The following PCDHGA7 variants were observed in gnomAD, a reference collection of about 807,000 sequenced individuals.
The protein encoded by PCDHGA7 is protocadherin gamma-A7.
In PCDHGA7, 44 loss-of-function variants were observed where a neutral mutation model predicts 58.3. That is an observed-to-expected ratio of 0.75 (90% CI 0.59 to 0.97). The LOEUF (loss-of-function observed/expected upper bound fraction) is 0.97. Among genes scored for constraint, PCDHGA7 ranks in the 50% least tolerant of loss-of-function variants. The pLI is 0.00. For missense variants in PCDHGA7, 1,266 were observed against 1,188.7 expected, an observed-to-expected ratio of 1.06 and a Z score of -0.96; for synonymous variants, 516 against 504.2, an observed-to-expected ratio of 1.02 and a Z score of -0.31.
chr5:141,456,814 ATTAGCCATCGTGG>A (rs2098889077), intron 1 of PCDHGA7, among the ~76,000 whole-genome samples: 1 of 151,928 alleles, frequency 6.6e-6, no homozygotes, highest in Non-Finnish European at 1.5e-5. Context: ...AATACAAAAA[ATTAGCCATCGTGG>A]TAGTGGGCGC....
chr5:141,424,538 A>G (rs547426760), intron 1 of PCDHGA7: 37 of 152,340 alleles, frequency 2.4e-4, no homozygotes, highest in African/African-American at 8.9e-4. Context: ...TATAGAAATA[A>G]CTTGATTTTG....
At chr5:141,448,542 T>G (rs2098594694) in intron 1 of PCDHGA7, among the ~76,000 whole-genome samples, 1 of 152,210 alleles carries the variant, frequency 6.6e-6, no homozygotes, top group Non-Finnish European at 1.5e-5. Flanking sequence ...GCATTTCTTA[T>G]GCAAATATGT....
rs1285420674 is a variant in PCDHGA7 at position 141,409,726 on chromosome 5, C to G, written c.2424+24403C>G. The G allele has an allele frequency of 1.9e-6, 3 of 1,612,982 alleles. No homozygotes were observed. The Admixed American group carries it at 5.0e-5, about 27-fold the overall frequency. On this transcript the variant is annotated intron_variant, in intron 1 of 3. Transcript: ENST00000518325. ...CGGTGTCGTCATACGTGTCAGTGAG[C>G]GCGCAGAGCGGGGTGGTGTTCGCGC...
At chr5:141,436,632 G>T (rs763510513) in intron 1 of PCDHGA7, among the ~76,000 whole-genome samples, 2 of 152,130 alleles carry the variant, frequency 1.3e-5, no homozygotes, top group Non-Finnish European at 2.9e-5. Context: ...TTCACAACAT[G>T]CAATTAATTA....
Position 141,490,983 on chromosome 5 carries a change from C to T in PCDHGA7, c.2425-3824C>T. ...ACTCAGCCCCCCAGCGTCTCCCTCG[C>T]TCTGCTCCTCCTGGCTCCTTGGTCA... On this transcript the variant is annotated intron_variant, in intron 1 of 3. Transcript: ENST00000518325. The surrounding 1 kb of genome is among the most constrained non-coding windows in gnomAD (Gnocchi z 5.4). 2 of 1,614,120 alleles carry T rather than the reference C, an allele frequency of 1.2e-6. No individual in the cohort carries two copies. Among genetic ancestry groups the T allele is most frequent in the South Asian group, 2.2e-5 (2 of 91,082 alleles).
intron 1 of PCDHGA7, chr5:141,423,051 C>T (rs200022455): frequency 1.7e-5 from 28 of 1,614,084 alleles, no homozygotes; most frequent in Non-Finnish European, 2.3e-5. Context: ...TGTCCTATCG[C>T]CTGCTTAAGG....
rs577770679 is a variant in PCDHGA7, at chr5:141,458,782, G to A, written c.2425-36025G>A. Reference sequence around the variant, plus strand: ...GGGTCTTGCTGTGTCACACAGGCTGGAGTGCAGTGGTGTGATCTCAGCTCA... The same window carrying A: ...GGGTCTTGCTGTGTCACACAGGCTGAAGTGCAGTGGTGTGATCTCAGCTCA... On this transcript the variant is annotated intron_variant, in intron 1 of 3. Coordinates refer to ENST00000518325, the MANE Select transcript of PCDHGA7 (RefSeq NM_018920.4). 3.3e-5 allele frequency among the ~76,000 whole-genome samples: 5 copies of A among 152,020 alleles called. No homozygotes were observed. In the East Asian group the frequency reaches 9.7e-4, roughly 30 times the overall value.
chr5:141,401,010 G>A (rs62378449), intron 1 of PCDHGA7, among the ~76,000 whole-genome samples: 17,448 of 152,052 alleles, frequency 0.11, 1,158 homozygotes, highest in African/African-American at 0.18. Context: ...CCTACCTAAT[G>A]GATTTATGAT....
In PCDHGA7 at chr5:141,476,504, G is replaced by A; in HGVS notation, c.2425-18303G>A. On this transcript the variant is annotated intron_variant, in intron 1 of 3. Coordinates refer to ENST00000518325, the MANE Select transcript of PCDHGA7 (RefSeq NM_018920.4). This position sits in a 1 kb window ranked among gnomAD's most constrained non-coding sequence, Gnocchi z 7.6. ...GGAAGTGGTGATCCAGGACATCAAC[G>A]ACAACAATCCTGCTTTCCCTACCCA... The A allele has an allele frequency of 6.2e-7, 1 of 1,614,098 alleles. No individual in the cohort carries two copies. The highest frequency in any genetic ancestry group is 2.2e-5 in the East Asian group (1 of 44,854).
intron 1 of PCDHGA7, among the ~76,000 whole-genome samples, chr5:141,483,302 C>G (rs1262756268): frequency 2.0e-5 from 3 of 152,012 alleles, no homozygotes; most frequent in Admixed American, 6.5e-5. Context: ...AGTGAAGGGA[C>G]TGGGGACATT....
chr5:141,415,502 A>T, intron 1 of PCDHGA7: 1 of 1,614,204 alleles, frequency 6.2e-7, no homozygotes, highest in African/African-American at 1.3e-5. Flanking sequence ...ATCTTCCCCC[A>T]GCCCAATTAT....
intron 1 of PCDHGA7, among the ~76,000 whole-genome samples, chr5:141,464,240 G>A (rs1396190870): frequency 1.3e-5 from 2 of 150,444 alleles, no homozygotes; most frequent in Non-Finnish European, 2.9e-5. Context: ...ACTCCAGCCT[G>A]GGCTACAGAG....
intron 2 of PCDHGA7, among the ~76,000 whole-genome samples, chr5:141,497,879 G>T (rs62379207): frequency 2.0e-5 from 3 of 152,128 alleles, no homozygotes; most frequent in Admixed American, 6.5e-5. Flanking sequence ...TGAAATAAGC[G>T]TTAGGATCTA....
chr5:141,413,737 A>AC, intron 1 of PCDHGA7: 1 of 1,613,410 alleles, frequency 6.2e-7, no homozygotes, highest in Non-Finnish European at 8.5e-7. Flanking sequence ...AAGAGTTCAG[A>AC]GCCGTGCCAA....
At chr5:141,390,066 G>A (rs2092035559) in intron 1 of PCDHGA7, 2 of 1,614,052 alleles carry the variant, frequency 1.2e-6, no homozygotes, top group East Asian at 2.2e-5. Flanking sequence ...CTTCCAGCCT[G>A]GTCTCTGTGT....
chr5:141,392,671 C>A, intron 1 of PCDHGA7: 1 of 875,408 alleles, frequency 1.1e-6, no homozygotes, highest in Non-Finnish European at 1.7e-6. Context: ...AAACTAACTG[C>A]TGGACTGCAG....
Position 141,505,383 on chromosome 5 carries a change from C to T in PCDHGA7, c.2484-10C>T, listed in dbSNP as rs369765886. On this transcript the variant is annotated splice_polypyrimidine_tract_variant and intron_variant, in intron 2 of 3. Coordinates refer to ENST00000518325, the MANE Select transcript of PCDHGA7 (RefSeq NM_018920.4). Reference sequence around the variant, plus strand: ...GGGAGTCTGTGCTCACCATCCTACTCTCTCCCCAGCTCCCAAAATGGCGAT... The same window carrying T: ...GGGAGTCTGTGCTCACCATCCTACTTTCTCCCCAGCTCCCAAAATGGCGAT... The T allele has an allele frequency of 1.2e-6, 2 of 1,613,944 alleles. No individual in the cohort carries two copies. Among genetic ancestry groups the T allele is most frequent in the African/African-American group, 2.7e-5 (2 of 74,914 alleles).
intron 1 of PCDHGA7, among the ~76,000 whole-genome samples, chr5:141,488,534 A>C (rs1169478867): frequency 1.3e-5 from 2 of 152,292 alleles, no homozygotes; most frequent in East Asian, 3.9e-4. Flanking sequence ...AGAAAAGCTA[A>C]GTCCCATGTC....
intron 1 of PCDHGA7, chr5:141,409,266 A>G (rs1285539149): frequency 1.1e-5 from 17 of 1,613,922 alleles, no homozygotes; most frequent in Non-Finnish European, 1.4e-5. Flanking sequence ...CTCTCTGATC[A>G]GATTTTGGAG....
Sources: gnomAD v4.1 joint callset for allele counts (sites outside exome capture counted in the v4.1 genomes callset) on GRCh38, gnomAD v4.1.1 for gene constraint, Gnocchi (gnomAD v3.1) non-coding constraint, MANE v1.5 for transcripts, NCBI Gene and HGNC (gene_info 2026-07-23, HGNC 2026-07-21) for gene names.